PDE3B: variants seen among roughly 807,000 people sequenced by gnomAD.
PDE3B encodes phosphodiesterase 3B.
PDE3B carries 66 observed loss-of-function variants against 116.8 expected under a neutral mutation model. That is an observed-to-expected ratio of 0.56 (90% CI 0.46 to 0.69). PDE3B has a LOEUF of 0.69. Among genes scored for constraint, PDE3B ranks in the 30% least tolerant of loss-of-function variants. The pLI is 0.00. For synonymous variants in PDE3B, 595 were observed against 533.6 expected (o/e 1.12, Z -1.59); for missense variants, 1,384 against 1,368.1 (o/e 1.01, Z -0.18).
chr11:14,736,682 T>C (rs1235455375), intron 1 of PDE3B, among the ~76,000 whole-genome samples: 1 of 152,166 alleles, frequency 6.6e-6, no homozygotes, highest in African/African-American at 2.4e-5. Flanking sequence ...AGACTATATA[T>C]TTTTTTAAGA....
chr11:14,893,622 G>A, the PDE3B span, among the ~76,000 whole-genome samples: 2 of 152,130 alleles, frequency 1.3e-5, no homozygotes, highest in East Asian at 1.9e-4. Context: ...CTTGGCTTTC[G>A]TCCCCATTCC....
chr11:14,774,830 G>T (rs534344291), intron 2 of PDE3B: 1 of 152,248 alleles, frequency 6.6e-6, no homozygotes, highest in South Asian at 2.1e-4. Context: ...TACACAACAT[G>T]GTTCCCTCCC....
At chr11:14,695,962 C>T (rs978213592) in intron 1 of PDE3B, among the ~76,000 whole-genome samples, 1 of 152,056 alleles carries the variant, frequency 6.6e-6, no homozygotes, top group Non-Finnish European at 1.5e-5. Context: ...GTGAATCGTG[C>T]TGCAGTGAAC....
intron 1 of PDE3B, among the ~76,000 whole-genome samples, chr11:14,679,824 A>G (rs1854645121): frequency 6.6e-6 from 1 of 151,826 alleles, no homozygotes; most frequent in Admixed American, 6.6e-5. Context: ...AGTTCCTATC[A>G]CTACAGTTCA....
At chr11:14,755,151 G>T (rs1857151189) in intron 1 of PDE3B, among the ~76,000 whole-genome samples, 1 of 152,188 alleles carries the variant, frequency 6.6e-6, no homozygotes, top group Non-Finnish European at 1.5e-5. Context: ...TGATGACAAT[G>T]AATGTTGTTT....
chr11:14,699,701 A>G (rs1855309600), intron 1 of PDE3B, among the ~76,000 whole-genome samples: 1 of 151,804 alleles, frequency 6.6e-6, no homozygotes, highest in South Asian at 2.1e-4. Context: ...TTAATATGAA[A>G]AACCTCAATA....
intron 1 of PDE3B, among the ~76,000 whole-genome samples, chr11:14,757,769 T>TTA (rs1857238633): frequency 6.6e-6 from 1 of 150,756 alleles, no homozygotes; most frequent in East Asian, 1.9e-4. Context: ...TTCACTCTGA[T>TTA]GGTAGTTTCT....
chr11:14,884,378 G>C, the PDE3B span, among the ~76,000 whole-genome samples: 2 of 151,930 alleles, frequency 1.3e-5, no homozygotes, highest in African/African-American at 2.4e-5. Context: ...CATGTCCTTT[G>C]TTAGGGACAT....
intron 4 of PDE3B, among the ~76,000 whole-genome samples, chr11:14,790,626 G>A (rs537917969): frequency 6.6e-6 from 1 of 152,132 alleles, no homozygotes; most frequent in African/African-American, 2.4e-5. Flanking sequence ...ACTCTGAAAA[G>A]TGTTTATTAT....
At chr11:14,765,777 A>G (rs956228821) in intron 1 of PDE3B, among the ~76,000 whole-genome samples, 4 of 150,738 alleles carry the variant, frequency 2.7e-5, no homozygotes, top group African/African-American at 9.7e-5. Context: ...CCATAGCACT[A>G]TAACTTTTTG....
the PDE3B span, chr11:14,879,151 A>G: frequency 6.2e-7 from 1 of 1,613,226 alleles, no homozygotes; most frequent in Non-Finnish European, 8.5e-7. Flanking sequence ...TCTTGGCAAA[A>G]TATCCACTGC....
chr11:14,878,035 A>C, the PDE3B span: 1 of 1,425,662 alleles, frequency 7.0e-7, no homozygotes, highest in Non-Finnish European at 9.7e-7. Context: ...TGTGACTTTT[A>C]TTCTAATACA....
intron 1 of PDE3B, among the ~76,000 whole-genome samples, chr11:14,761,353 C>T (rs1440495696): frequency 6.6e-6 from 1 of 152,070 alleles, no homozygotes; most frequent in Non-Finnish European, 1.5e-5. Context: ...ACATTGTGCT[C>T]AGTTTAGATA....
At chr11:14,881,831 G>A in the PDE3B span, among the ~76,000 whole-genome samples, 1 of 151,822 alleles carries the variant, frequency 6.6e-6, no homozygotes, top group South Asian at 2.1e-4. Flanking sequence ...TTCCTATAAA[G>A]TGTGCAGAAC....
intron 1 of PDE3B, among the ~76,000 whole-genome samples, chr11:14,724,315 AG>A (rs1490568303): frequency 1.3e-5 from 2 of 152,126 alleles, no homozygotes; most frequent in Non-Finnish European, 2.9e-5. Flanking sequence ...ATTAATAGGA[AG>A]GGGGACACAT....
At chr11:14,684,614 C>G (rs1477140220) in intron 1 of PDE3B, among the ~76,000 whole-genome samples, 2 of 152,090 alleles carry the variant, frequency 1.3e-5, no homozygotes, top group African/African-American at 4.8e-5. Context: ...GGGTTTTTCC[C>G]CACCCTAGTA....
At chr11:14,867,831 T>C (rs1555008360) in intron 15 of PDE3B, 73 bp downstream of exon 15, 6 of 1,397,846 alleles carry the variant, frequency 4.3e-6, no homozygotes, top group African/African-American at 1.5e-5. Context: ...ATCTGAAATA[T>C]GAAATGCTCC....
At chr11:14,805,896 CATT>C (rs1858905031) in intron 5 of PDE3B, among the ~76,000 whole-genome samples, 1 of 152,168 alleles carries the variant, frequency 6.6e-6, no homozygotes, top group South Asian at 2.1e-4. Flanking sequence ...AAAAAATGCT[CATT>C]ATCCCTGGTC....
intron 1 of PDE3B, among the ~76,000 whole-genome samples, chr11:14,679,336 A>G (rs935181908): frequency 4.6e-5 from 7 of 152,032 alleles, no homozygotes; most frequent in African/African-American, 1.2e-4. Context: ...TTGAGCCCCT[A>G]TGTGTGGGCC....
Sources: gnomAD v4.1 joint callset for allele counts (sites outside exome capture counted in the v4.1 genomes callset) on GRCh38, gnomAD v4.1.1 for gene constraint, MANE v1.5 for transcripts, NCBI Gene and HGNC (gene_info 2026-07-23, HGNC 2026-07-21) for gene names.